Variants in CHLSN observed in about 807,000 individuals in gnomAD.
CHLSN encodes the protein cholesin.
At chr7:991,162 G>A in the CHLSN span, among the ~76,000 whole-genome samples, 1 of 152,116 alleles carries the variant, frequency 6.6e-6, no homozygotes, top group Admixed American at 6.5e-5. Flanking sequence ...CCGCTTCATG[G>A]AGGCCCAGCC....
At chr7:1,020,067 G>C in the CHLSN span, among the ~76,000 whole-genome samples, 4 of 152,198 alleles carry the variant, frequency 2.6e-5, no homozygotes, top group Non-Finnish European at 5.9e-5. Flanking sequence ...TTCCCACTGA[G>C]GAGAGATCCA....
chr7:1,065,940 C>T, the CHLSN span, among the ~76,000 whole-genome samples: 1 of 152,228 alleles, frequency 6.6e-6, no homozygotes, highest in Non-Finnish European at 1.5e-5. Flanking sequence ...GAGCTCCCTC[C>T]AGTGGCCGTC....
the CHLSN span, among the ~76,000 whole-genome samples, chr7:1,041,315 G>GCTGCGGGGAAGGGGACCTGGGCTCTGCA: frequency 8.8e-6 from 1 of 114,072 alleles, no homozygotes; most frequent in Non-Finnish European, 1.9e-5. Context: ...TGGGGTCCGC[G>GCTGCGGGGAAGGGGACCTGGGCTCTGCA]CTGCGGGGAA....
chr7:1,103,186 C>T, the CHLSN span, among the ~76,000 whole-genome samples: 4 of 152,212 alleles, frequency 2.6e-5, no homozygotes, highest in South Asian at 4.1e-4. Context: ...CAGGGAAAGG[C>T]GTTTACGTGG....
the CHLSN span, among the ~76,000 whole-genome samples, chr7:985,555 CCCT>C: frequency 6.6e-6 from 1 of 152,196 alleles, no homozygotes; most frequent in Non-Finnish European, 1.5e-5. Flanking sequence ...CTCCCCCACG[CCCT>C]CATCAGTAAC....
the CHLSN span, among the ~76,000 whole-genome samples, chr7:1,089,575 T>C: frequency 1.3e-5 from 2 of 152,114 alleles, no homozygotes; most frequent in Admixed American, 6.5e-5. Context: ...CACACCACTA[T>C]GCCCAGCTAC....
At chr7:1,016,947 C>CCA in the CHLSN span, among the ~76,000 whole-genome samples, 2 of 140,886 alleles carry the variant, frequency 1.4e-5, no homozygotes, top group Non-Finnish European at 1.6e-5. Flanking sequence ...CGCCAGCACA[C>CCA]GCCAGCGCAC....
At chr7:997,551 G>A in the CHLSN span, 9 of 1,304,136 alleles carry the variant, frequency 6.9e-6, no homozygotes, top group Admixed American at 3.8e-5. Context: ...GGCCCCCACC[G>A]CCGGAGGAGC....
chr7:1,064,580 G>A, the CHLSN span, among the ~76,000 whole-genome samples: 73 of 152,332 alleles, frequency 4.8e-4, no homozygotes, highest in African/African-American at 1.7e-3. Flanking sequence ...TCACACAGGA[G>A]AACCGAAGCT....
chr7:1,122,654 G>A, the CHLSN span, among the ~76,000 whole-genome samples: 1 of 152,140 alleles, frequency 6.6e-6, no homozygotes, highest in Admixed American at 6.5e-5. Flanking sequence ...TCCTCCCGAA[G>A]GACATGTGTC....
chr7:1,025,437 A>G, the CHLSN span: 1 of 152,388 alleles, frequency 6.6e-6, no homozygotes, highest in African/African-American at 2.4e-5. Context: ...GTGGGGGGAC[A>G]CTGCTGGCGG....
the CHLSN span, among the ~76,000 whole-genome samples, chr7:1,117,501 A>G: frequency 1.7e-3 from 176 of 105,628 alleles, no homozygotes; most frequent in African/African-American, 6.0e-3. Flanking sequence ...CATCACCGAC[A>G]TCCACGCAGG....
chr7:1,037,590 T>A, the CHLSN span, among the ~76,000 whole-genome samples: 1 of 146,450 alleles, frequency 6.8e-6, no homozygotes, highest in Non-Finnish European at 1.5e-5. Flanking sequence ...GAATCTCGGC[T>A]CACTACAACC....
the CHLSN span, chr7:1,055,506 G>A: frequency 1.3e-5 from 6 of 452,384 alleles, no homozygotes; most frequent in African/African-American, 4.0e-5. Flanking sequence ...GGTGCCCGCA[G>A]GTGGGAGAGG....
the CHLSN span, chr7:1,137,647 C>CA: frequency 6.6e-6 from 1 of 152,000 alleles, no homozygotes. Context: ...CTACAAAAAA[C>CA]ATTTTTAAAA....
chr7:1,083,215 T>A, the CHLSN span, among the ~76,000 whole-genome samples: 27,047 of 152,266 alleles, frequency 0.18, 2,571 homozygotes, highest in South Asian at 0.19. Flanking sequence ...AAACTGCCAA[T>A]GCCTTGTAGG....
chr7:1,115,629 C>T, the CHLSN span, among the ~76,000 whole-genome samples: 5 of 132,224 alleles, frequency 3.8e-5, no homozygotes, highest in South Asian at 2.6e-4. Context: ...CCATCACCAA[C>T]GCCCACGCAG....
chr7:1,135,828 TATAA>T, the CHLSN span, among the ~76,000 whole-genome samples: 6 of 139,198 alleles, frequency 4.3e-5, no homozygotes, highest in African/African-American at 1.6e-4. Context: ...AAAATAAATA[TATAA>T]ATATATTTAC....
chr7:1,091,749 C>G, the CHLSN span: 337 of 1,535,058 alleles, frequency 2.2e-4, 1 homozygote, highest in Non-Finnish European at 2.9e-4. Context: ...CTTCCCAAGC[C>G]CGGGGCGTGG....
Sources: gnomAD v4.1 joint callset for allele counts (sites outside exome capture counted in the v4.1 genomes callset) on GRCh38, gnomAD v4.1.1 for gene constraint, MANE v1.5 for transcripts, NCBI Gene and HGNC (gene_info 2026-07-23, HGNC 2026-07-21) for gene names.